Variants in TBC1D22B observed in about 807,000 individuals in gnomAD.
The protein encoded by TBC1D22B is TBC1 domain family member 22B.
TBC1D22B carries 32 observed loss-of-function variants against 69.1 expected under a neutral mutation model. That is an observed-to-expected ratio of 0.46 (90% CI 0.35 to 0.62). The LOEUF is 0.62. Among genes scored for constraint, TBC1D22B ranks in the 20% least tolerant of loss-of-function variants. The pLI, the probability that TBC1D22B is intolerant of heterozygous loss-of-function variation, is 0.00. For synonymous variants in TBC1D22B, 206 were observed against 229.8 expected (o/e 0.90, Z 0.94); for missense variants, 462 against 630.9 (o/e 0.73, Z 2.87).
chr6:37,293,062 C>CATT (rs764323916), intron 8 of TBC1D22B, among the ~76,000 whole-genome samples: 1,885 of 149,760 alleles, frequency 0.013, 37 homozygotes, highest in African/African-American at 0.039. Flanking sequence ...TTTAACTTTT[C>CATT]ATTATTATTA....
intron 1 of TBC1D22B, among the ~76,000 whole-genome samples, chr6:37,267,525 A>AC (rs1387965419): frequency 1.4e-5 from 2 of 139,446 alleles, no homozygotes; most frequent in Admixed American, 7.5e-5. Flanking sequence ...ATATATATAC[A>AC]CTATATATAT....
At chr6:37,271,498 T>C (rs540120008) in intron 2 of TBC1D22B, among the ~76,000 whole-genome samples, 92 of 152,292 alleles carry the variant, frequency 6.0e-4, no homozygotes, top group African/African-American at 1.8e-3. Flanking sequence ...ATGTTCATAA[T>C]GGAGAGGCTG....
At chr6:37,285,972 C>G (rs1045172193) in intron 6 of TBC1D22B, among the ~76,000 whole-genome samples, 2 of 152,212 alleles carry the variant, frequency 1.3e-5, no homozygotes, top group African/African-American at 4.8e-5. Context: ...ATCTCTGGTT[C>G]CCTATTTTAG....
intron 8 of TBC1D22B, among the ~76,000 whole-genome samples, chr6:37,298,669 C>T (rs1455512097): frequency 6.6e-6 from 1 of 151,722 alleles, no homozygotes; most frequent in Non-Finnish European, 1.5e-5. Context: ...CCTCAGCCTC[C>T]CGATTAGCTG....
At chr6:37,311,979 CCTT>C (rs570763159) in intron 8 of TBC1D22B, among the ~76,000 whole-genome samples, 44 of 152,212 alleles carry the variant, frequency 2.9e-4, no homozygotes, top group Non-Finnish European at 6.0e-4. Context: ...ATAGCCTTTT[CCTT>C]CTTCAGGTTT....
intron 10 of TBC1D22B, 50 bp downstream of exon 10, chr6:37,313,941 T>C (rs1430161936): frequency 6.4e-7 from 1 of 1,557,134 alleles, no homozygotes; most frequent in Non-Finnish European, 8.9e-7. Flanking sequence ...GTTGATTCTG[T>C]TATGAGGCGG....
At position 37,331,636 on chromosome 6, in the gene TBC1D22B, C is replaced by T. The variant is rs1347952840; in HGVS notation, c.*464C>T. Reference sequence around the variant, plus strand: ...TCCTGGTTTCCTAGCCGTTCCCCTTCTGCCCCAGTCTGAGCCAGTGAGGGG... The same window carrying T: ...TCCTGGTTTCCTAGCCGTTCCCCTTTTGCCCCAGTCTGAGCCAGTGAGGGG... On this transcript the variant is annotated 3_prime_UTR_variant, in exon 13 of 13. Coordinates refer to ENST00000373491, the MANE Select transcript of TBC1D22B (RefSeq NM_017772.4). 2.0e-5 allele frequency: 3 copies of T among 153,412 alleles called. No individual in the cohort carries two copies. Among genetic ancestry groups the T allele is most frequent in the African/African-American group, 7.2e-5 (3 of 41,380 alleles). The allele number at this position is 153,412 out of a possible 1,614,324, so 9.5% of individuals were successfully genotyped here. A position where few individuals can be genotyped will look rare whatever the true frequency, so the allele number is the denominator to read the frequency against.
chr6:37,307,798 G>A (rs1400068247), intron 8 of TBC1D22B, among the ~76,000 whole-genome samples: 5 of 152,168 alleles, frequency 3.3e-5, no homozygotes, highest in African/African-American at 4.8e-5. Flanking sequence ...TGGTCCGGCC[G>A]GTCAGGTTGA....
At chr6:37,294,150 T>C (rs1166079049) in intron 8 of TBC1D22B, among the ~76,000 whole-genome samples, 1 of 152,238 alleles carries the variant, frequency 6.6e-6, no homozygotes, top group East Asian at 1.9e-4. Context: ...ATTTTCAATA[T>C]AGACAAAACA....
chr6:37,312,571 C>A (rs1169861683), intron 8 of TBC1D22B, among the ~76,000 whole-genome samples: 1 of 152,174 alleles, frequency 6.6e-6, no homozygotes, highest in East Asian at 1.9e-4. Flanking sequence ...TCCAGGCCAT[C>A]TTCAGGGATC....
At chr6:37,318,817 G>C (rs1426929598) in intron 12 of TBC1D22B, among the ~76,000 whole-genome samples, 1 of 152,186 alleles carries the variant, frequency 6.6e-6, no homozygotes, top group Admixed American at 6.5e-5. Flanking sequence ...AGATTGTCAG[G>C]CTCTCCAGAG....
chr6:37,292,351 C>G (rs1443864599), intron 8 of TBC1D22B, among the ~76,000 whole-genome samples: 1 of 152,100 alleles, frequency 6.6e-6, no homozygotes, highest in Non-Finnish European at 1.5e-5. Context: ...TCTCACTTGG[C>G]CTATCCTATC....
chr6:37,314,555 T>C (rs1177307040), intron 10 of TBC1D22B, among the ~76,000 whole-genome samples: 1 of 152,202 alleles, frequency 6.6e-6, no homozygotes, highest in Non-Finnish European at 1.5e-5. Context: ...AGTCATAGAA[T>C]GTTAGAACGA....
chr6:37,284,842 A>G lies in TBC1D22B; in HGVS notation c.801+378A>G, dbSNP rs188654629. Among the ~76,000 whole-genome samples the G allele has an allele frequency of 1.9e-3, 283 of 152,102 alleles. 1 individual carries two copies. The highest frequency in any genetic ancestry group is 3.3e-3 in the Non-Finnish European group (221 of 67,990). On this transcript the variant is annotated intron_variant, in intron 6 of 12. Coordinates refer to ENST00000373491, the MANE Select transcript of TBC1D22B (RefSeq NM_017772.4). Reference sequence around the variant, plus strand: ...TGCTGCTGCTGCTGGTCCACCAACCACACTGTGAGTAGTAAGCGTTATCGA... The same window carrying G: ...TGCTGCTGCTGCTGGTCCACCAACCGCACTGTGAGTAGTAAGCGTTATCGA...
chr6:37,276,003 C>A (rs1459337042), intron 2 of TBC1D22B, among the ~76,000 whole-genome samples: 3 of 144,716 alleles, frequency 2.1e-5, no homozygotes, highest in Non-Finnish European at 4.5e-5. Flanking sequence ...CTTGCTCTAT[C>A]ACCCAGGCTG....
At chr6:37,271,849 C>CT (rs35838317) in intron 2 of TBC1D22B, among the ~76,000 whole-genome samples, 1,552 of 120,874 alleles carry the variant, frequency 0.013, 25 homozygotes, top group Middle Eastern at 0.036. Context: ...AAGGTGCATG[C>CT]TTTTTTTTTT....
intron 8 of TBC1D22B, among the ~76,000 whole-genome samples, chr6:37,305,465 C>A (rs960736131): frequency 1.3e-5 from 2 of 152,130 alleles, no homozygotes; most frequent in Admixed American, 6.5e-5. Flanking sequence ...CCTCCCCTGC[C>A]CCTACAAGGG....
chr6:37,287,062 T>G lies in TBC1D22B; in HGVS notation c.857T>G (p.Leu286Arg). 1 of 1,603,910 alleles carries G rather than the reference T, an allele frequency of 6.2e-7. No homozygotes were observed. The highest frequency in any genetic ancestry group is 8.5e-7 in the Non-Finnish European group (1 of 1,176,340). The change falls in exon 7 of 13, where the codon CTT becomes CGT. Residue 286 changes from leucine to arginine, a missense_variant. Transcript: ENST00000373491. The stretch of plus-strand genomic sequence containing the variant: ...CTCATTCCGTTGTTCCAGCAACCAC[T>G]TGTACAGGAGGTGAGGGAATTACTT... ...NPLIPLFQQP[L>R]VQEIFERILF...
chr6:37,286,948 A>T, intron 6 of TBC1D22B, 59 bp from the exon 7 acceptor site: 1 of 1,534,658 alleles, frequency 6.5e-7, no homozygotes, highest in Non-Finnish European at 8.9e-7. Flanking sequence ...TCATCTCAAA[A>T]AAACAAAAAC....
Sources: gnomAD v4.1 joint callset for allele counts (sites outside exome capture counted in the v4.1 genomes callset) on GRCh38, gnomAD v4.1.1 for gene constraint, MANE v1.5 for transcripts, NCBI Gene and HGNC (gene_info 2026-07-23, HGNC 2026-07-21) for gene names.